The following RHOA variants were observed in gnomAD, a reference collection of about 807,000 sequenced individuals.
RHOA encodes the protein transforming protein RhoA.
A neutral mutation model predicts 17.5 loss-of-function variants in RHOA; 3 were observed. That is an observed-to-expected ratio of 0.17 (90% CI 0.08 to 0.44). RHOA has a LOEUF of 0.44. Among genes scored for constraint, RHOA ranks in the 20% least tolerant of loss-of-function variants. The pLI, the probability that RHOA is intolerant of heterozygous loss-of-function variation, is 0.99. For synonymous variants in RHOA, 98 were observed against 88.4 expected, an observed-to-expected ratio of 1.11 and a Z score of -0.61; for missense variants, 56 against 242.3, an observed-to-expected ratio of 0.23 and a Z score of 5.10.
At chr3:49,410,821 TAAGA>T (rs1317401084) in intron 1 of RHOA, among the ~76,000 whole-genome samples, 2 of 152,200 alleles carry the variant, frequency 1.3e-5, no homozygotes, top group Admixed American at 1.3e-4. Flanking sequence ...AAGAAACGTT[TAAGA>T]CTTTCTTCAA....
chr3:49,400,940 G>A (rs1309529848), intron 1 of RHOA, among the ~76,000 whole-genome samples: 1 of 149,352 alleles, frequency 6.7e-6, no homozygotes, highest in African/African-American at 2.5e-5. Context: ...CAGCTATTCG[G>A]GAGGCTGAGG....
intron 1 of RHOA, among the ~76,000 whole-genome samples, chr3:49,392,721 G>A (rs2048530684): frequency 6.6e-6 from 1 of 152,152 alleles, no homozygotes; most frequent in African/African-American, 2.4e-5. Flanking sequence ...ACATGTGGCT[G>A]GGAGCTATGG....
rs2047918257 is a variant in RHOA at position 49,359,370 on chromosome 3, C to T, written c.*839G>A. ...GCCATCTTCCAAAGTGTCTAATTGC[C>T]TCAGGCGTGAAACCAATTCCTATTT... On this transcript the variant is annotated 3_prime_UTR_variant, in exon 5 of 5. Coordinates refer to ENST00000418115, the MANE Select transcript of RHOA (RefSeq NM_001664.4). 1 of 187,638 alleles carries T rather than the reference C, an allele frequency of 5.3e-6. No individual in the cohort carries two copies. Among genetic ancestry groups the T allele is most frequent in the Non-Finnish European group, 1.1e-5 (1 of 88,738 alleles). 11.6% of individuals were successfully genotyped at this position (187,638 alleles called of 1,614,324 possible).
chr3:49,404,433 A>AACACACACACAC (rs374020319), intron 1 of RHOA, among the ~76,000 whole-genome samples: 1,696 of 90,740 alleles, frequency 0.019, 72 homozygotes, highest in African/African-American at 0.036. Flanking sequence ...TCTCTAGTAA[A>AACACACACACAC]ACACACACAC....
intron 1 of RHOA, among the ~76,000 whole-genome samples, chr3:49,393,464 G>A (rs376677393): frequency 2.0e-5 from 3 of 151,786 alleles, no homozygotes; most frequent in East Asian, 3.9e-4. Flanking sequence ...ACACCACCAC[G>A]TTTGGCTAAT....
At chr3:49,363,684 T>G (rs1401746428) in intron 3 of RHOA, among the ~76,000 whole-genome samples, 1 of 151,290 alleles carries the variant, frequency 6.6e-6, no homozygotes, top group Non-Finnish European at 1.5e-5. Context: ...AAACCTCATC[T>G]CTACTAAAAT....
At chr3:49,379,029 GTA>G (rs2048276392) in intron 1 of RHOA, among the ~76,000 whole-genome samples, 1 of 152,064 alleles carries the variant, frequency 6.6e-6, no homozygotes, top group African/African-American at 2.4e-5. Context: ...CTATTCCTAG[GTA>G]TATATCTAAG....
intron 1 of RHOA, among the ~76,000 whole-genome samples, chr3:49,399,981 G>A (rs905790965): frequency 6.6e-6 from 1 of 152,084 alleles, no homozygotes; most frequent in Middle Eastern, 3.4e-3. Context: ...AGCACGTTGG[G>A]AGGCCGAGGT....
chr3:49,378,168 C>CT (rs1228968521), intron 1 of RHOA, among the ~76,000 whole-genome samples: 2 of 52,030 alleles, frequency 3.8e-5, no homozygotes, highest in African/African-American at 6.8e-5. Flanking sequence ...GAAACTGTGT[C>CT]TTAAAAAAAA....
intron 1 of RHOA, among the ~76,000 whole-genome samples, chr3:49,407,156 G>A (rs942189934): frequency 6.7e-6 from 1 of 149,668 alleles, no homozygotes; most frequent in African/African-American, 2.5e-5. Flanking sequence ...GAGAAGAGAA[G>A]AGAAGAACCA....
At chr3:49,384,408 T>C (rs1473319278) in intron 1 of RHOA, among the ~76,000 whole-genome samples, 1 of 152,184 alleles carries the variant, frequency 6.6e-6, no homozygotes, top group Admixed American at 6.5e-5. Context: ...GTCTCAGAAA[T>C]AACTTATAAG....
chr3:49,393,676 CTGTGTGTGTG>C (rs71080504), intron 1 of RHOA, among the ~76,000 whole-genome samples: 1 of 10,360 alleles, frequency 9.7e-5, no homozygotes, highest in Non-Finnish European at 2.2e-4. Flanking sequence ...AATTCTCTCT[CTGTGTGTGTG>C]TGTGTGTGTG....
At chr3:49,405,476 T>G (rs1438924001) in intron 1 of RHOA, among the ~76,000 whole-genome samples, 2 of 152,134 alleles carry the variant, frequency 1.3e-5, no homozygotes, top group African/African-American at 4.8e-5. Flanking sequence ...GCTACATGTC[T>G]GGCACTTGAG....
At chr3:49,371,116 G>A (rs1032905543) in intron 2 of RHOA, among the ~76,000 whole-genome samples, 2 of 151,976 alleles carry the variant, frequency 1.3e-5, no homozygotes, top group African/African-American at 2.4e-5. Context: ...CCACCCCACG[G>A]TGTTTAGTCA....
intron 1 of RHOA, among the ~76,000 whole-genome samples, chr3:49,404,017 T>C (rs948451478): frequency 6.8e-6 from 1 of 146,314 alleles, no homozygotes; most frequent in Non-Finnish European, 1.5e-5. Flanking sequence ...AAGTTGAAGA[T>C]AGCTGGACTC....
At chr3:49,365,067 CTGT>C (rs1392635288) in intron 3 of RHOA, 1 of 151,798 alleles carries the variant, frequency 6.6e-6, no homozygotes. Context: ...ACTGGGTTTA[CTGT>C]TGTTATTTTC....
At chr3:49,375,058 G>C (rs2048204337) in intron 2 of RHOA, among the ~76,000 whole-genome samples, 1 of 151,876 alleles carries the variant, frequency 6.6e-6, no homozygotes, top group Non-Finnish European at 1.5e-5. Context: ...ATCACCCGAG[G>C]TCAGAAGTTT....
At chr3:49,367,447 A>G (rs1436467083) in intron 3 of RHOA, among the ~76,000 whole-genome samples, 1 of 151,818 alleles carries the variant, frequency 6.6e-6, no homozygotes, top group Non-Finnish European at 1.5e-5. Flanking sequence ...CTATCAGCTA[A>G]GACACTTCAG....
At chr3:49,409,597 A>G (rs1442477678) in intron 1 of RHOA, among the ~76,000 whole-genome samples, 1 of 152,132 alleles carries the variant, frequency 6.6e-6, no homozygotes, top group Non-Finnish European at 1.5e-5. Flanking sequence ...TCAGCTCTCT[A>G]AGACAATTAA....
Sources: allele counts gnomAD v4.1 joint callset (sites outside exome capture counted in the v4.1 genomes callset), GRCh38; gene constraint gnomAD v4.1.1; transcripts MANE v1.5; gene names NCBI Gene and HGNC (gene_info 2026-07-23, HGNC 2026-07-21).